Variants in TMEM232 observed in about 807,000 individuals in gnomAD.
TMEM232 encodes transmembrane protein 232.
TMEM232 carries 80 observed loss-of-function variants against 78.8 expected under a neutral mutation model. The observed-to-expected ratio is 1.01, with a 90% CI of 0.85 to 1.22. The LOEUF is 1.22. TMEM232 is among the 50% of genes most tolerant of loss of function. The pLI, the probability that TMEM232 is intolerant of heterozygous loss-of-function variation, is 0.00. For missense variants in TMEM232, 881 were observed against 742.2 expected (o/e 1.19, Z -2.17); for synonymous variants, 297 against 254.3 (o/e 1.17, Z -1.60).
At chr5:110,725,984 C>A (rs572852447) in intron 1 of TMEM232, among the ~76,000 whole-genome samples, 1 of 152,076 alleles carries the variant, frequency 6.6e-6, no homozygotes, top group Admixed American at 6.5e-5. Context: ...AAATAAGAGA[C>A]TCTTACTACA....
upstream of TMEM232, chr5:110,738,210 G>C (rs1429074380): frequency 3.1e-6 from 4 of 1,286,794 alleles, no homozygotes; most frequent in Non-Finnish European, 3.0e-6. Flanking sequence ...TCTGGGGAGG[G>C]AGCCTGGCCC....
At chr5:110,602,338 C>T (rs1399331705) in intron 10 of TMEM232, among the ~76,000 whole-genome samples, 2 of 152,010 alleles carry the variant, frequency 1.3e-5, no homozygotes, top group Non-Finnish European at 2.9e-5. Flanking sequence ...GCAAAAGAAA[C>T]TATCATCAGA....
At chr5:110,632,929 G>C (rs1314103282) in intron 5 of TMEM232, among the ~76,000 whole-genome samples, 1 of 151,988 alleles carries the variant, frequency 6.6e-6, no homozygotes, top group African/African-American at 2.4e-5. Flanking sequence ...CTTTTCCATG[G>C]TACATTACAG....
chr5:110,666,521 T>C (rs1242895480), intron 2 of TMEM232: 2 of 152,174 alleles, frequency 1.3e-5, no homozygotes, highest in Non-Finnish European at 1.5e-5. Flanking sequence ...TCATGGTTTG[T>C]ATATTTAGGT....
At chr5:110,438,232 C>G (rs529351338) in intron 12 of TMEM232, among the ~76,000 whole-genome samples, 16 of 151,840 alleles carry the variant, frequency 1.1e-4, no homozygotes, top group Admixed American at 9.2e-4. Flanking sequence ...TTTTCTTAGG[C>G]TTTTTTTCTC....
chr5:110,656,050 T>C (rs1000785132), intron 2 of TMEM232, among the ~76,000 whole-genome samples: 1 of 149,564 alleles, frequency 6.7e-6, no homozygotes, highest in Non-Finnish European at 1.5e-5. Context: ...AAACTTAAAG[T>C]ATAATAAAAA....
intron 2 of TMEM232, among the ~76,000 whole-genome samples, chr5:110,732,410 A>C (rs1004721930): frequency 7.2e-5 from 11 of 152,196 alleles, no homozygotes; most frequent in Non-Finnish European, 1.5e-4. Context: ...CTGCTGATAA[A>C]GACATACCCA....
At chr5:110,432,182 A>T (rs11241069) in intron 12 of TMEM232, among the ~76,000 whole-genome samples, 42,064 of 151,306 alleles carry the variant, frequency 0.28, 10,280 homozygotes, top group African/African-American at 0.66. Flanking sequence ...CAAATAGTCA[A>T]CAGATTATCC....
chr5:110,451,002 C>T (rs1760214717), intron 12 of TMEM232, among the ~76,000 whole-genome samples: 1 of 152,088 alleles, frequency 6.6e-6, no homozygotes, highest in Non-Finnish European at 1.5e-5. Context: ...GATCCTGGGT[C>T]ACTAAGAAAA....
chr5:110,670,460 C>A (rs1791208315), intron 1 of TMEM232, among the ~76,000 whole-genome samples: 1 of 152,104 alleles, frequency 6.6e-6, no homozygotes, highest in South Asian at 2.1e-4. Flanking sequence ...GAACTACAAA[C>A]CACTGCTCAA....
At chr5:110,609,397 A>T (rs1051362034) in intron 8 of TMEM232, among the ~76,000 whole-genome samples, 2 of 152,122 alleles carry the variant, frequency 1.3e-5, no homozygotes, top group Admixed American at 1.3e-4. Context: ...AACTTTTTTT[A>T]AAAATAATAA....
At chr5:110,683,935 T>C (rs550460062) in intron 1 of TMEM232, among the ~76,000 whole-genome samples, 8 of 152,162 alleles carry the variant, frequency 5.3e-5, no homozygotes, top group African/African-American at 1.9e-4. Flanking sequence ...ATTGGTGTAT[T>C]GATGTACTTA....
intron 7 of TMEM232, among the ~76,000 whole-genome samples, chr5:110,622,862 G>A: frequency 6.9e-6 from 1 of 145,592 alleles, no homozygotes; most frequent in Non-Finnish European, 1.5e-5. Context: ...GGAGGGGGGA[G>A]GGATAGCATT....
chr5:110,717,991 G>T (rs1797193153), intron 1 of TMEM232, among the ~76,000 whole-genome samples: 1 of 152,076 alleles, frequency 6.6e-6, no homozygotes, highest in African/African-American at 2.4e-5. Context: ...AAATCTGTAT[G>T]TGTTTAAAAG....
intron 1 of TMEM232, among the ~76,000 whole-genome samples, chr5:110,687,053 C>T (rs1363938646): frequency 1.3e-5 from 2 of 152,202 alleles, no homozygotes; most frequent in Non-Finnish European, 2.9e-5. Context: ...ATCAGGATGC[C>T]ATTATCTCTG....
At chr5:110,712,105 C>CAA (rs61482697) in intron 1 of TMEM232, among the ~76,000 whole-genome samples, 97 of 64,986 alleles carry the variant, frequency 1.5e-3, no homozygotes, top group Non-Finnish European at 2.3e-3. Context: ...GACTCAATCT[C>CAA]AAAAAAAAAA....
intron 2 of TMEM232, among the ~76,000 whole-genome samples, chr5:110,404,386 G>A (rs553690770): frequency 5.3e-5 from 8 of 151,942 alleles, no homozygotes; most frequent in Non-Finnish European, 7.4e-5. Flanking sequence ...AAAAGATAAC[G>A]GAGAAAAAAA....
At chr5:110,674,809 G>T (rs1267566659) in intron 1 of TMEM232, among the ~76,000 whole-genome samples, 1 of 152,138 alleles carries the variant, frequency 6.6e-6, no homozygotes, top group Non-Finnish European at 1.5e-5. Flanking sequence ...GACAAACTTA[G>T]AGAACAAATA....
intron 2 of TMEM232, among the ~76,000 whole-genome samples, chr5:110,398,721 T>G (rs143620031): frequency 5.7e-4 from 87 of 152,342 alleles, no homozygotes; most frequent in African/African-American, 2.0e-3. Context: ...TTAAAATTAC[T>G]TTTTAATTTC....
Sources: allele counts gnomAD v4.1 joint callset (sites outside exome capture counted in the v4.1 genomes callset), GRCh38; gene constraint gnomAD v4.1.1; transcripts MANE v1.5; gene names NCBI Gene and HGNC (gene_info 2026-07-23, HGNC 2026-07-21).